DNAL1: variants seen among roughly 807,000 people sequenced by gnomAD.
DNAL1 encodes chromosome 14 open reading frame 168.
Under a neutral mutation model 29.4 loss-of-function variants are expected in DNAL1, and 17 were observed. The observed-to-expected ratio is 0.58, with a 90% confidence interval of 0.40 to 0.87. The LOEUF is 0.87. DNAL1 is among the 40% of genes least tolerant of loss of function. The probability of loss-of-function intolerance (pLI) is 0.00; values close to 1 mark genes in which losing one functional copy is unlikely to be tolerated. For synonymous variants in DNAL1, 78 were observed against 76.3 expected (o/e 1.02, Z -0.12); for missense variants, 188 against 214.1 (o/e 0.88, Z 0.76).
chr14:73,679,462 T>C (rs1387203623), intron 5 of DNAL1, among the ~76,000 whole-genome samples: 1 of 152,048 alleles, frequency 6.6e-6, no homozygotes, highest in Admixed American at 6.6e-5. Flanking sequence ...GCAACCTAAG[T>C]GTTCACTGAG....
Position 73,694,981 on chromosome 14 carries a change from G to A in DNAL1, c.533-921G>A, listed in dbSNP as rs370731977. Among the ~76,000 whole-genome samples the A allele has an allele frequency of 4.3e-4, 64 of 149,686 alleles. 1 individual carries two copies. The South Asian group carries it at 0.012, about 28-fold the overall frequency. ...TGGGATTACAGGCGTGAGCCACCGC[G>A]CCCGGCCCATAGAAAGCTTTTAACA... On this transcript the variant is annotated intron_variant, in intron 7 of 7. Coordinates refer to ENST00000553645, the MANE Select transcript of DNAL1 (RefSeq NM_031427.4).
intron 7 of DNAL1, among the ~76,000 whole-genome samples, chr14:73,694,912 C>T (rs1430438245): frequency 1.3e-5 from 2 of 152,068 alleles, no homozygotes; most frequent in African/African-American, 4.8e-5. Flanking sequence ...TGGTCTCGAA[C>T]CCCTGACTTC....
chr14:73,697,758 AAAAAAAAG>A lies in DNAL1; in HGVS notation c.*1818_*1825del, dbSNP rs1892336794. The A allele has an allele frequency of 6.6e-6, 1 of 151,580 alleles. No homozygotes were observed. Among genetic ancestry groups the A allele is most frequent in the Admixed American group, 6.6e-5 (1 of 15,212 alleles). The allele number at this position is 151,580 out of a possible 1,614,324, so 9.4% of individuals were successfully genotyped here. A position where few individuals can be genotyped will look rare whatever the true frequency, so the allele number is the denominator to read the frequency against. On this transcript the variant is annotated 3_prime_UTR_variant, in exon 8 of 8. Transcript: ENST00000553645. ...ACTCCATATTTAAAAAAAAAAAAAA[AAAAAAAAG>A]AGGAAAACTTGGTCTAACACCCTTT... is the stretch of plus-strand genomic sequence containing the variant.
intron 7 of DNAL1, among the ~76,000 whole-genome samples, chr14:73,689,863 C>G (rs1364645755): frequency 6.6e-6 from 1 of 151,540 alleles, no homozygotes; most frequent in East Asian, 1.9e-4. Flanking sequence ...TGGTGAAACC[C>G]CATCTCTACT....
At chr14:73,654,135 G>A (rs11625686) in intron 1 of DNAL1, among the ~76,000 whole-genome samples, 35,975 of 152,040 alleles carry the variant, frequency 0.24, 5,216 homozygotes, top group Non-Finnish European at 0.33. Flanking sequence ...ACCCACAGCA[G>A]TTGTAAATTG....
intron 5 of DNAL1, among the ~76,000 whole-genome samples, chr14:73,677,347 T>A (rs1891758779): frequency 6.6e-6 from 1 of 151,462 alleles, no homozygotes; most frequent in African/African-American, 2.4e-5. Context: ...TTTTTCTTTT[T>A]TTTTTAGAGG....
At chr14:73,677,326 G>A (rs1250764468) in intron 5 of DNAL1, among the ~76,000 whole-genome samples, 1 of 151,340 alleles carries the variant, frequency 6.6e-6, no homozygotes, top group African/African-American at 2.4e-5. Flanking sequence ...GAGTCTGGTG[G>A]TGGTGTTGAT....
chr14:73,683,647 C>A (rs1241388204), intron 5 of DNAL1, among the ~76,000 whole-genome samples: 1 of 148,918 alleles, frequency 6.7e-6, no homozygotes, highest in Non-Finnish European at 1.5e-5. Flanking sequence ...TCTCTGGTAA[C>A]TACTGTTCTG....
chr14:73,651,902 C>T (rs1041791923), intron 1 of DNAL1, among the ~76,000 whole-genome samples: 1 of 152,162 alleles, frequency 6.6e-6, no homozygotes, highest in Non-Finnish European at 1.5e-5. Flanking sequence ...AGTGATCTAC[C>T]CGCCTCAGCC....
intron 5 of DNAL1, among the ~76,000 whole-genome samples, chr14:73,675,886 G>A (rs527785703): frequency 1.1e-4 from 17 of 152,066 alleles, no homozygotes; most frequent in Middle Eastern, 3.4e-3. Flanking sequence ...CTGGTGGCGC[G>A]TGCCTGTAAT....
chr14:73,671,637 C>A, intron 5 of DNAL1, 40 bp downstream of exon 5: 1 of 1,383,056 alleles, frequency 7.2e-7, no homozygotes, highest in Non-Finnish European at 9.5e-7. Context: ...ATTTAATTTG[C>A]ACACATCTAT....
chr14:73,648,000 CAG>C (rs1891018203), intron 1 of DNAL1, among the ~76,000 whole-genome samples: 1 of 152,072 alleles, frequency 6.6e-6, no homozygotes, highest in African/African-American at 2.4e-5. Flanking sequence ...CGTTTTGATA[CAG>C]AGTCTCGTTC....
chr14:73,677,883 TTTGTGTGTG>T (rs374056958), intron 5 of DNAL1, among the ~76,000 whole-genome samples: 27,188 of 123,434 alleles, frequency 0.22, 3,594 homozygotes, highest in Non-Finnish European at 0.31. Flanking sequence ...TATATATATA[TTTGTGTGTG>T]TGTGTGTGTG....
At chr14:73,688,454 A>G (rs540177891) in intron 6 of DNAL1, among the ~76,000 whole-genome samples, 2 of 152,076 alleles carry the variant, frequency 1.3e-5, no homozygotes, top group Admixed American at 6.6e-5. Flanking sequence ...TTTTTTGTAA[A>G]AATACAAAAA....
chr14:73,691,682 G>T (rs1892174501), intron 7 of DNAL1, among the ~76,000 whole-genome samples: 1 of 152,020 alleles, frequency 6.6e-6, no homozygotes, highest in Non-Finnish European at 1.5e-5. Flanking sequence ...ATTCAGCTGG[G>T]CTGTTAAGAA....
rs115027228 is a variant in DNAL1 at position 73,691,066 on chromosome 14, A to G, written c.532+1551A>G. 8.1e-3 allele frequency among the ~76,000 whole-genome samples: 1,227 copies of G among 152,304 alleles called. 24 individuals carry two copies. Among genetic ancestry groups the G allele is most frequent in the African/African-American group, 0.028 (1,163 of 41,550 alleles). ...ATAGTTTGTGAAATTGTGCTAATTA[A>G]TTAATCTCACCAAACCTTGTTCATT... On this transcript the variant is annotated intron_variant, in intron 7 of 7. Coordinates refer to ENST00000553645, the MANE Select transcript of DNAL1 (RefSeq NM_031427.4).
chr14:73,673,980 C>T (rs1418607779), intron 5 of DNAL1, among the ~76,000 whole-genome samples: 15 of 150,276 alleles, frequency 1.0e-4, no homozygotes, highest in Non-Finnish European at 2.2e-4. Context: ...CATCTAGACA[C>T]ATCTGCCTCA....
chr14:73,670,874 C>A (rs980957368), intron 4 of DNAL1, among the ~76,000 whole-genome samples: 3 of 151,766 alleles, frequency 2.0e-5, no homozygotes, highest in East Asian at 1.9e-4. Context: ...GTAGCTGGGA[C>A]TACAGGTGCC....
At chr14:73,679,111 C>G (rs1048668863) in intron 5 of DNAL1, among the ~76,000 whole-genome samples, 9 of 152,146 alleles carry the variant, frequency 5.9e-5, no homozygotes, top group African/African-American at 2.2e-4. Flanking sequence ...ATTCTCCTGC[C>G]TCAGCCTCCC....
Sources: allele counts gnomAD v4.1 joint callset (sites outside exome capture counted in the v4.1 genomes callset), GRCh38; gene constraint gnomAD v4.1.1; transcripts MANE v1.5; gene names NCBI Gene and HGNC (gene_info 2026-07-23, HGNC 2026-07-21).